Variants in ARL3 observed in about 807,000 individuals in gnomAD.
The protein encoded by ARL3 is ARF like GTPase 3, also known as ADP-ribosylation factor-like protein 3.
Under a neutral mutation model 26.0 loss-of-function variants are expected in ARL3, and 9 were observed. That is an observed-to-expected ratio of 0.35 (90% CI 0.21 to 0.60). ARL3 has a LOEUF of 0.60. Among genes scored for constraint, ARL3 ranks in the 20% least tolerant of loss-of-function variants. The probability of loss-of-function intolerance (pLI) is 0.78; values close to 1 mark genes in which losing one functional copy is unlikely to be tolerated. For missense variants in ARL3, 158 were observed against 215.7 expected, an observed-to-expected ratio of 0.73 and a Z score of 1.67; for synonymous variants, 71 against 78.4, an observed-to-expected ratio of 0.91 and a Z score of 0.50.
At chr10:102,712,401 A>G (rs1043079026) in intron 1 of ARL3, among the ~76,000 whole-genome samples, 2 of 152,124 alleles carry the variant, frequency 1.3e-5, no homozygotes, top group African/African-American at 2.4e-5. Flanking sequence ...GTGGAGATAG[A>G]AAAAAAATGT....
chr10:102,689,353 G>A (rs932111582), intron 4 of ARL3, among the ~76,000 whole-genome samples: 2 of 151,966 alleles, frequency 1.3e-5, no homozygotes, highest in African/African-American at 4.8e-5. Context: ...ACTGTTTAAA[G>A]AACTCTCAAC....
intron 5 of ARL3, among the ~76,000 whole-genome samples, chr10:102,679,794 A>G (rs2064146414): frequency 6.6e-6 from 1 of 152,126 alleles, no homozygotes; most frequent in South Asian, 2.1e-4. Flanking sequence ...AGGCCTGGTT[A>G]TCTGCCTGGC....
chr10:102,709,679 A>C (rs1302177426), intron 1 of ARL3, among the ~76,000 whole-genome samples: 2 of 150,568 alleles, frequency 1.3e-5, no homozygotes, highest in Non-Finnish European at 3.0e-5. Context: ...AGACAAACAT[A>C]ATGTTTATTC....
chr10:102,688,455 T>A (rs1231897538), intron 4 of ARL3, among the ~76,000 whole-genome samples: 1 of 152,048 alleles, frequency 6.6e-6, no homozygotes, highest in Non-Finnish European at 1.5e-5. Context: ...TGTGGTCATT[T>A]AGGACACAGG....
At position 102,676,708 on chromosome 10, in the gene ARL3, T is replaced by C. The variant is rs139241561; in HGVS notation, c.*186A>G. 63 of 604,438 alleles carry C rather than the reference T, an allele frequency of 1.0e-4. No individual in the cohort carries two copies. The East Asian group carries it at 1.7e-3, about 17-fold the overall frequency. The allele number at this position is 604,438 out of a possible 1,614,324, so 37.4% of individuals were successfully genotyped here. A position where few individuals can be genotyped will look rare whatever the true frequency, so the allele number is the denominator to read the frequency against. On this transcript the variant is annotated 3_prime_UTR_variant, in exon 6 of 6. Coordinates refer to ENST00000260746, the MANE Select transcript of ARL3 (RefSeq NM_004311.4). ...AATTCCTTTATTTGAAAAATGATAC[T>C]GAACCTCAGAGATCAGTTAAATCTA...
intron 2 of ARL3, among the ~76,000 whole-genome samples, chr10:102,702,561 G>A (rs1476747401): frequency 6.6e-6 from 1 of 152,094 alleles, no homozygotes; most frequent in South Asian, 2.1e-4. Context: ...TCCTAACTTT[G>A]AGTTTATTTC....
At chr10:102,686,433 A>G (rs1324509682) in intron 4 of ARL3, among the ~76,000 whole-genome samples, 1 of 150,228 alleles carries the variant, frequency 6.7e-6, no homozygotes, top group Non-Finnish European at 1.5e-5. Flanking sequence ...GCAACTTTCA[A>G]GAGTAGTGAT....
Position 102,689,923 on chromosome 10 carries a change from T to G in ARL3, c.285A>C (p.Ala95=). 6.3e-7 allele frequency: 1 copy of G among 1,599,972 alleles called. No homozygotes were observed. The highest frequency in any genetic ancestry group is 8.5e-7 in the Non-Finnish European group (1 of 1,171,128). ...TDILIYVIDS[A]DRKRFEETGQ... is the part of the protein sequence containing the mutation. ...CCGTCTCTTCAAATCTTTTTCTGTC[T>G]GCACTGTCGATTACATATATCTATA... The change falls in exon 4 of 6, where the codon GCA becomes GCC. Residue 95 remains alanine, a synonymous_variant. Coordinates refer to ENST00000260746, the MANE Select transcript of ARL3 (RefSeq NM_004311.4).
At chr10:102,707,273 G>A (rs2064314962) in intron 1 of ARL3, among the ~76,000 whole-genome samples, 1 of 151,808 alleles carries the variant, frequency 6.6e-6, no homozygotes, top group African/African-American at 2.4e-5. Context: ...ACTCCAGCCT[G>A]GGTGACAGAG....
intron 3 of ARL3, among the ~76,000 whole-genome samples, chr10:102,690,230 A>G (rs1188450644): frequency 6.6e-6 from 1 of 152,156 alleles, no homozygotes; most frequent in Non-Finnish European, 1.5e-5. Context: ...TGTTGTCACT[A>G]AACATTACTA....
In ARL3 at chr10:102,693,995, T is replaced by C. The variant is rs543360674; in HGVS notation, c.265-4052A>G. Among the ~76,000 whole-genome samples, 4 of 152,136 alleles carry C rather than the reference T, an allele frequency of 2.6e-5. No individual in the cohort carries two copies. The South Asian group carries it at 8.3e-4, about 32-fold the overall frequency. On this transcript the variant is annotated intron_variant, in intron 3 of 5. Transcript: ENST00000260746. ...CAGCTTCCAGAAGTTTTATTTTTAT[T>C]TATTTTTTTTGAGATGGATTCTTGC...
chr10:102,689,447 CA>C (rs1434415152), intron 4 of ARL3, among the ~76,000 whole-genome samples: 3 of 152,122 alleles, frequency 2.0e-5, no homozygotes, highest in African/African-American at 7.2e-5. Flanking sequence ...CAAAACAAAA[CA>C]AAAACCTCCC....
chr10:102,710,724 C>T (rs2064334115), intron 1 of ARL3, among the ~76,000 whole-genome samples: 1 of 152,028 alleles, frequency 6.6e-6, no homozygotes, highest in African/African-American at 2.4e-5. Flanking sequence ...TTGTGTGTTA[C>T]CAGCATGTGT....
Position 102,689,908 on chromosome 10 carries a change from A to C in ARL3, c.300T>G (p.Phe100Leu). Residue 100 changes from phenylalanine (F) to leucine (L), a missense_variant, in exon 4 of 6, where the codon TTT becomes TTG. Phe to Leu is a conservative substitution (Grantham distance 22). Coordinates refer to ENST00000260746, the MANE Select transcript of ARL3 (RefSeq NM_004311.4). ...YVIDSADRKR[F>L]EETGQELAEL... ...AATTATTTACCTGACCCGTCTCTTC[A>C]AATCTTTTTCTGTCTGCACTGTCGA... 1 of 1,597,490 alleles carries C rather than the reference A, an allele frequency of 6.3e-7. No individual in the cohort carries two copies. The highest frequency in any genetic ancestry group is 1.7e-5 in the Admixed American group (1 of 59,024).
At chr10:102,705,148 T>C (rs2064302477) in intron 2 of ARL3, among the ~76,000 whole-genome samples, 198 bp downstream of exon 2, 1 of 152,228 alleles carries the variant, frequency 6.6e-6, no homozygotes, top group African/African-American at 2.4e-5. Flanking sequence ...TCTGTCTCTA[T>C]GAATCTGACT....
chr10:102,688,695 G>A (rs886329194), intron 4 of ARL3, among the ~76,000 whole-genome samples: 2 of 151,872 alleles, frequency 1.3e-5, no homozygotes, highest in Admixed American at 1.3e-4. Context: ...TAGAGACAGG[G>A]TTTCACTGTG....
chr10:102,684,101 C>T (rs1249739721), intron 5 of ARL3, among the ~76,000 whole-genome samples: 1 of 152,072 alleles, frequency 6.6e-6, no homozygotes, highest in Non-Finnish European at 1.5e-5. Flanking sequence ...TTTCTTCAGC[C>T]CCACCTTCAT....
At chr10:102,680,893 A>C (rs966222639) in intron 5 of ARL3, among the ~76,000 whole-genome samples, 3 of 152,110 alleles carry the variant, frequency 2.0e-5, no homozygotes, top group Non-Finnish European at 4.4e-5. Flanking sequence ...CGCTATTAGT[A>C]GTTTTTTTTT....
Position 102,705,448 on chromosome 10 carries a change from G to A in ARL3, c.45C>T (p.Asp15=), listed in dbSNP as rs1203072630. ...SILRKLKSAP[D]QEVRILLLGL... The stretch of plus-strand genomic sequence containing the variant: ...CCAGGAGAAGTATTCTCACCTCCTG[G>A]TCTGGTGCACTTTTCAACTTGCGCA... Residue 15 remains aspartate (D), a synonymous_variant, in exon 2 of 6, where the codon GAC becomes GAT. Coordinates refer to ENST00000260746, the MANE Select transcript of ARL3 (RefSeq NM_004311.4). 6 of 1,607,652 alleles carry A rather than the reference G, an allele frequency of 3.7e-6. No individual in the cohort carries two copies. The Admixed American group carries it at 1.0e-4, about 27-fold the overall frequency.
Sources: allele counts gnomAD v4.1 joint callset (sites outside exome capture counted in the v4.1 genomes callset), GRCh38; gene constraint gnomAD v4.1.1; transcripts MANE v1.5; gene names NCBI Gene and HGNC (gene_info 2026-07-23, HGNC 2026-07-21).